The following C3orf70 variants were observed in gnomAD, a reference collection of about 807,000 sequenced individuals.
The protein encoded by C3orf70 is UPF0524 protein C3orf70.
In C3orf70, 15 loss-of-function variants were observed where a neutral mutation model predicts 20.7. The ratio of observed to expected loss-of-function variants is 0.72; its 90% CI spans 0.48 to 1.11. The LOEUF is 1.11. Among genes scored for constraint, C3orf70 ranks in the 50% most tolerant of loss-of-function variants. The pLI, the probability that C3orf70 is intolerant of heterozygous loss-of-function variation, is 0.00. For synonymous variants in C3orf70, 161 were observed against 125.7 expected (o/e 1.28, Z -1.88); for missense variants, 332 against 317.6 (o/e 1.05, Z -0.34).
At chr3:185,146,708 T>C (rs1420918979) in intron 1 of C3orf70, among the ~76,000 whole-genome samples, 3 of 152,242 alleles carry the variant, frequency 2.0e-5, no homozygotes, top group Non-Finnish European at 4.4e-5. Flanking sequence ...TTTGTAGCTA[T>C]TGTTATTGAT....
intron 1 of C3orf70, among the ~76,000 whole-genome samples, chr3:185,117,650 C>T (rs966906124): frequency 6.6e-6 from 1 of 152,156 alleles, no homozygotes; most frequent in Non-Finnish European, 1.5e-5. Context: ...TATGTTTCTC[C>T]CAGCTTGGCT....
intron 1 of C3orf70, among the ~76,000 whole-genome samples, chr3:185,086,115 A>G (rs1442862280): frequency 6.6e-6 from 1 of 152,192 alleles, no homozygotes; most frequent in East Asian, 1.9e-4. Flanking sequence ...TCAGATCCAG[A>G]GGGAACAAGG....
At chr3:185,130,226 G>A (rs575477855) in intron 1 of C3orf70, among the ~76,000 whole-genome samples, 320 of 152,190 alleles carry the variant, frequency 2.1e-3, no homozygotes, top group Non-Finnish European at 3.4e-3. Context: ...CGAGGCGGGC[G>A]GATCACAAGG....
At chr3:185,089,761 C>T (rs1338289664) in intron 1 of C3orf70, among the ~76,000 whole-genome samples, 1 of 152,148 alleles carries the variant, frequency 6.6e-6, no homozygotes, top group Non-Finnish European at 1.5e-5. Flanking sequence ...AACACAAAAA[C>T]CAACTGTGAC....
In C3orf70 at chr3:185,140,956, A is replaced by ACC. The variant is rs1271594070; in HGVS notation, c.196+11671_196+11672insGG. 1.3e-4 allele frequency among the ~76,000 whole-genome samples: 18 copies of ACC among 138,914 alleles called. No homozygotes were observed. The East Asian group carries it at 3.5e-3, about 27-fold the overall frequency. The allele number at this position is 138,914 out of a possible 152,430, so 91.1% of individuals were successfully genotyped here. A position where few individuals can be genotyped will look rare whatever the true frequency, so the allele number is the denominator to read the frequency against. Reference sequence around the variant, plus strand: ...GCACTCCAGCCTGGGCAACAGAGTGAGACCCTTGTCACCAAAAAAAAAAAA... The same window carrying ACC: ...GCACTCCAGCCTGGGCAACAGAGTGACCGACCCTTGTCACCAAAAAAAAAAAA... On this transcript the variant is annotated intron_variant, in intron 1 of 1. Transcript: ENST00000335012.
At chr3:185,106,798 C>T (rs1461394721) in intron 1 of C3orf70, among the ~76,000 whole-genome samples, 1 of 152,180 alleles carries the variant, frequency 6.6e-6, no homozygotes, top group Non-Finnish European at 1.5e-5. Flanking sequence ...CCCTTGCCAG[C>T]AGGGACGATA....
chr3:185,091,964 T>TATATATATATATATA (rs1561331190), intron 1 of C3orf70, among the ~76,000 whole-genome samples: 1 of 6,284 alleles, frequency 1.6e-4, no homozygotes, highest in South Asian at 6.2e-3. Flanking sequence ...TATATATATA[T>TATATATATATATATA]TTTTTTTTTT....
rs1026681771 is a variant in C3orf70 at position 185,077,790 on chromosome 3, G to GGT, written c.*5216_*5217insAC. 1.8e-3 allele frequency among the ~76,000 whole-genome samples: 72 copies of GGT among 40,084 alleles called. No individual in the cohort carries two copies. The highest frequency in any genetic ancestry group is 0.011 in the African/African-American group (56 of 5,158). The allele number at this position is 40,084 out of a possible 152,430, so 26.3% of individuals were successfully genotyped here. A position where few individuals can be genotyped will look rare whatever the true frequency, so the allele number is the denominator to read the frequency against. On this transcript the variant is annotated 3_prime_UTR_variant, in exon 2 of 2. Transcript: ENST00000335012. ...GAAATAAATGCTATTTGGTGGTGGT[G>GGT]GGGGGGGGGTATCAAGTTTTATTTG... is the stretch of plus-strand genomic sequence containing the variant.
Position 185,152,729 on chromosome 3 carries a change from C to A in C3orf70, c.95G>T (p.Arg32Ile). The A allele has an allele frequency of 6.3e-7, 1 of 1,593,836 alleles. No individual in the cohort carries two copies. Among genetic ancestry groups the A allele is most frequent in the South Asian group, 1.1e-5 (1 of 88,762 alleles). ...CCCGTCGCACGGCTGGAAGTCGGGT[C>A]TGCGGGCGGCGCAACTCCGCGCCAG... ...QALARSCAAR[R>I]PDFQPCDGLS... is the part of the protein sequence containing the mutation. The change falls in exon 1 of 2, where the codon AGA becomes ATA. Residue 32 changes from arginine (R) to isoleucine (I), a missense_variant. Arg to Ile is a moderately conservative substitution (Grantham distance 97). Coordinates refer to ENST00000335012, the MANE Select transcript of C3orf70 (RefSeq NM_001025266.3).
chr3:185,094,983 G>C (rs1487025130), intron 1 of C3orf70, among the ~76,000 whole-genome samples: 1 of 152,238 alleles, frequency 6.6e-6, no homozygotes, highest in African/African-American at 2.4e-5. Flanking sequence ...ACAGTGCAGA[G>C]AAGTGTGATG....
chr3:185,112,294 AAAAT>A (rs1310970111), intron 1 of C3orf70, among the ~76,000 whole-genome samples: 5 of 152,220 alleles, frequency 3.3e-5, no homozygotes, highest in African/African-American at 1.2e-4. Context: ...TGTATCAAAA[AAAAT>A]AAATAGAAGT....
At chr3:185,117,822 T>G (rs143240301) in intron 1 of C3orf70, among the ~76,000 whole-genome samples, 22 of 152,320 alleles carry the variant, frequency 1.4e-4, no homozygotes, top group African/African-American at 5.1e-4. Context: ...ACTGAACTCA[T>G]TGAAGATCTT....
intron 1 of C3orf70, among the ~76,000 whole-genome samples, chr3:185,148,348 C>T (rs895086655): frequency 3.3e-5 from 5 of 152,190 alleles, no homozygotes; most frequent in African/African-American, 1.2e-4. Context: ...ATCCTAGTTA[C>T]TCAGTATTTC....
At chr3:185,085,293 A>G (rs759731359) in intron 1 of C3orf70, among the ~76,000 whole-genome samples, 17 of 152,208 alleles carry the variant, frequency 1.1e-4, no homozygotes, top group Non-Finnish European at 2.2e-4. Context: ...ACAGGAGAGT[A>G]GCAATTTCAG....
At chr3:185,139,253 G>A (rs1039351539) in intron 1 of C3orf70, among the ~76,000 whole-genome samples, 2 of 151,482 alleles carry the variant, frequency 1.3e-5, no homozygotes, top group Non-Finnish European at 2.9e-5. Flanking sequence ...GAAAAAGTGG[G>A]AAAAAATCAG....
Position 185,081,139 on chromosome 3 carries a change from C to G in C3orf70, c.*1868G>C, listed in dbSNP as rs750878920. The G allele has an allele frequency of 6.6e-6, 1 of 152,116 alleles. No homozygotes were observed. The highest frequency in any genetic ancestry group is 1.5e-5 in the Non-Finnish European group (1 of 68,028). 9.4% of individuals were successfully genotyped at this position (152,116 alleles called of 1,614,324 possible). A position where few individuals can be genotyped will look rare whatever the true frequency, so the allele number is the denominator to read the frequency against. Reference sequence around the variant, plus strand: ...CACAACTTTTTCTTACAAATCCGGCCGGGCGTGGTGGCTCATGCTTGTAAT... The same window carrying G: ...CACAACTTTTTCTTACAAATCCGGCGGGGCGTGGTGGCTCATGCTTGTAAT... On this transcript the variant is annotated 3_prime_UTR_variant, in exon 2 of 2. Coordinates refer to ENST00000335012, the MANE Select transcript of C3orf70 (RefSeq NM_001025266.3).
intron 1 of C3orf70, among the ~76,000 whole-genome samples, chr3:185,092,492 T>A (rs902777107): frequency 6.6e-6 from 1 of 152,194 alleles, no homozygotes; most frequent in Admixed American, 6.5e-5. Flanking sequence ...TTCAAACTAA[T>A]ATTTATTGAG....
intron 1 of C3orf70, among the ~76,000 whole-genome samples, chr3:185,120,730 AAAG>A (rs1306508368): frequency 6.6e-6 from 1 of 151,958 alleles, no homozygotes; most frequent in Non-Finnish European, 1.5e-5. Context: ...AAAAAAAAAA[AAAG>A]ATGTTGGCAT....
intron 1 of C3orf70, among the ~76,000 whole-genome samples, chr3:185,117,827 G>C (rs1460930496): frequency 6.6e-6 from 1 of 152,130 alleles, no homozygotes; most frequent in African/African-American, 2.4e-5. Flanking sequence ...ACTCATTGAA[G>C]ATCTTGAAAG....
Sources: allele counts gnomAD v4.1 joint callset (sites outside exome capture counted in the v4.1 genomes callset), GRCh38; gene constraint gnomAD v4.1.1; transcripts MANE v1.5; gene names NCBI Gene and HGNC (gene_info 2026-07-23, HGNC 2026-07-21).